The following GPC3 variants were observed in gnomAD, a reference collection of about 807,000 sequenced individuals.
The protein encoded by GPC3 is glypican 3, also known as glypican-3.
GPC3 carries 3 observed loss-of-function variants against 34.4 expected under a neutral mutation model. The observed-to-expected ratio is 0.09, with a 90% confidence interval of 0.04 to 0.23. GPC3 has a LOEUF of 0.23. Ranked by LOEUF, GPC3 falls within the 10% of genes least tolerant of loss-of-function variation. The pLI is 1.00. For synonymous variants in GPC3, 177 were observed against 174.0 expected (o/e 1.02, Z -0.13); for missense variants, 351 against 445.6 (o/e 0.79, Z 1.91).
intron 3 of GPC3, among the ~76,000 whole-genome samples, chrX:133,706,764 A>G (rs1015805291): frequency 2.7e-5 from 3 of 111,908 alleles, no homozygotes; most frequent in African/African-American, 9.7e-5. Flanking sequence ...GGGAGTGTAA[A>G]TTAGTCCAGC....
chrX:133,781,364 C>T (rs2072042424), intron 2 of GPC3, among the ~76,000 whole-genome samples: 1 of 112,105 alleles, frequency 8.9e-6, no homozygotes, highest in Non-Finnish European at 1.9e-5. Context: ...GTGACTGTCA[C>T]AGCTGGCAGG....
At chrX:133,547,682 T>C (rs775233033) in intron 7 of GPC3, among the ~76,000 whole-genome samples, 13 of 110,555 alleles carry the variant, frequency 1.2e-4, no homozygotes, top group Non-Finnish European at 2.3e-4. Context: ...ATCATCATCA[T>C]TATTTTGAGA....
chrX:133,854,045 T>C (rs749459951), intron 2 of GPC3, among the ~76,000 whole-genome samples: 5 of 111,936 alleles, frequency 4.5e-5, no homozygotes, highest in African/African-American at 1.6e-4. Context: ...AGATGGCATA[T>C]TTTTTTCTTT....
At chrX:133,883,117 A>C (rs1225695387) in intron 2 of GPC3, among the ~76,000 whole-genome samples, 2 of 111,727 alleles carry the variant, frequency 1.8e-5, no homozygotes, top group Non-Finnish European at 3.8e-5. Flanking sequence ...GTGTATATAG[A>C]GCTTTTCCCT....
In GPC3 at chrX:133,985,490, G is replaced by A; in HGVS notation, c.-41C>T. On this transcript the variant is annotated 5_prime_UTR_variant, in exon 1 of 8. Coordinates refer to ENST00000370818, the MANE Select transcript of GPC3 (RefSeq NM_004484.4). ...GCTAGGAGAGCGCGGGAGAGTGGCAGCCGGAGCGAGAGCAGTCCCAGGACT... is the reference window on the plus strand; with the variant it reads ...GCTAGGAGAGCGCGGGAGAGTGGCAACCGGAGCGAGAGCAGTCCCAGGACT... The A allele has an allele frequency of 8.8e-7, 1 of 1,135,334 alleles. No homozygotes were observed. Among genetic ancestry groups the A allele is most frequent in the Non-Finnish European group, 1.2e-6 (1 of 845,935 alleles). 93.6% of individuals were successfully genotyped at this position (1,135,334 alleles called of 1,213,427 possible).
chrX:133,935,253 G>T (rs1306476870), intron 2 of GPC3, among the ~76,000 whole-genome samples: 1 of 111,464 alleles, frequency 9.0e-6, no homozygotes, highest in Non-Finnish European at 1.9e-5. Context: ...TGGCTCGGCA[G>T]AATAAAGAAA....
intron 6 of GPC3, among the ~76,000 whole-genome samples, chrX:133,607,550 G>A (rs2070064561): frequency 8.9e-6 from 1 of 111,943 alleles, no homozygotes; most frequent in Admixed American, 9.5e-5. Flanking sequence ...TTACAGGCAT[G>A]AGCCACTGTG....
At chrX:133,550,900 C>T (rs1376286295) in intron 7 of GPC3, among the ~76,000 whole-genome samples, 1 of 112,172 alleles carries the variant, frequency 8.9e-6, no homozygotes, top group African/African-American at 3.2e-5. Flanking sequence ...CATCAGTTTA[C>T]CACACTCAGT....
At chrX:133,686,072 T>A (rs2070999264) in intron 5 of GPC3, among the ~76,000 whole-genome samples, 1 of 112,121 alleles carries the variant, frequency 8.9e-6, no homozygotes, top group Non-Finnish European at 1.9e-5. Context: ...GTAAAGCAGT[T>A]GTCTATGCAG....
intron 2 of GPC3, among the ~76,000 whole-genome samples, chrX:133,890,860 CA>C (rs35287205): frequency 0.043 from 2,113 of 48,915 alleles, 30 homozygotes; most frequent in Middle Eastern, 0.12. Flanking sequence ...AACTCCATCT[CA>C]AAAAAAAAAA....
At chrX:133,969,852 C>T (rs963318935) in intron 1 of GPC3, among the ~76,000 whole-genome samples, 7 of 111,934 alleles carry the variant, frequency 6.3e-5, no homozygotes, top group Non-Finnish European at 1.1e-4. Context: ...CACTCCTACA[C>T]GACCATAACA....
chrX:133,547,468 A>G (rs1004835023), intron 7 of GPC3, among the ~76,000 whole-genome samples: 4 of 111,047 alleles, frequency 3.6e-5, no homozygotes, highest in African/African-American at 1.3e-4. Flanking sequence ...AATATACCTG[A>G]TACCAAAGCA....
chrX:133,688,172 G>A (rs1395759443), intron 5 of GPC3, among the ~76,000 whole-genome samples: 1 of 112,214 alleles, frequency 8.9e-6, no homozygotes, highest in Non-Finnish European at 1.9e-5. Context: ...GCAGAAGCTG[G>A]AGGATCTTTC....
chrX:133,587,097 C>T (rs1488426499), intron 7 of GPC3, among the ~76,000 whole-genome samples: 1 of 111,659 alleles, frequency 9.0e-6, no homozygotes, highest in African/African-American at 3.3e-5. Context: ...ACATGTCTCT[C>T]CCTACCCCAC....
intron 2 of GPC3, among the ~76,000 whole-genome samples, chrX:133,841,570 T>C (rs2075824711): frequency 9.1e-6 from 1 of 110,399 alleles, no homozygotes; most frequent in Non-Finnish European, 1.9e-5. Context: ...AAATGGTCAA[T>C]TTGCAATATA....
chrX:133,919,883 G>A (rs1033862570), intron 2 of GPC3, among the ~76,000 whole-genome samples: 4 of 109,078 alleles, frequency 3.7e-5, no homozygotes, highest in Non-Finnish European at 7.6e-5. Flanking sequence ...GATTCTGCCG[G>A]GTACAGTGGC....
chrX:133,743,936 G>A (rs1240415692), intron 3 of GPC3, among the ~76,000 whole-genome samples: 1 of 111,641 alleles, frequency 9.0e-6, no homozygotes, highest in African/African-American at 3.3e-5. Context: ...TTAATAAATG[G>A]TGTTCGGAAA....
chrX:133,664,860 C>A (rs2070756032), intron 5 of GPC3, among the ~76,000 whole-genome samples: 1 of 108,579 alleles, frequency 9.2e-6, no homozygotes, highest in African/African-American at 3.4e-5. Context: ...CCTTTGGATG[C>A]TGCAGTGTTG....
rs1569458698 is a variant in GPC3 at position 133,953,122 on chromosome X, T to A, written c.265A>T (p.Met89Leu). Reference protein sequence around the residue: ...EKYQLTARLNMEQLLQSASME... With the variant: ...EKYQLTARLNLEQLLQSASME... ...CTTGCAGACTGAAGCAGCTGTTCCATGTTCAATCGTGCTGTTAGTTGGTAT... is the reference window on the plus strand; with the variant it reads ...CTTGCAGACTGAAGCAGCTGTTCCAAGTTCAATCGTGCTGTTAGTTGGTAT... Residue 89 changes from methionine (M) to leucine (L), a missense_variant, in exon 2 of 8, where the codon ATG becomes TTG. By Grantham distance (15) the Met-to-Leu change is conservative. Coordinates refer to ENST00000370818, the MANE Select transcript of GPC3 (RefSeq NM_004484.4). The A allele has an allele frequency of 8.3e-7, 1 of 1,204,826 alleles. No individual in the cohort carries two copies.
Sources: gnomAD v4.1 joint callset for allele counts (sites outside exome capture counted in the v4.1 genomes callset) on GRCh38, gnomAD v4.1.1 for gene constraint, MANE v1.5 for transcripts, NCBI Gene and HGNC (gene_info 2026-07-23, HGNC 2026-07-21) for gene names.